MAPK10: variants seen among roughly 807,000 people sequenced by gnomAD.
The protein encoded by MAPK10 is JNK3 alpha protein kinase.
A neutral mutation model predicts 59.3 loss-of-function variants in MAPK10; 25 were observed. The ratio of observed to expected loss-of-function variants is 0.42; its 90% confidence interval spans 0.31 to 0.59. MAPK10 has a LOEUF of 0.59. MAPK10 is among the 20% of genes least tolerant of loss of function. The probability of loss-of-function intolerance (pLI) is 0.15; values close to 1 mark genes in which losing one functional copy is unlikely to be tolerated. For synonymous variants in MAPK10, 190 were observed against 200.5 expected (o/e 0.95, Z 0.44); for missense variants, 351 against 568.9 (o/e 0.62, Z 3.90).
chr4:86,061,272 T>C (rs1022156711), intron 11 of MAPK10, among the ~76,000 whole-genome samples: 1 of 152,170 alleles, frequency 6.6e-6, no homozygotes, highest in South Asian at 2.1e-4. Flanking sequence ...TTTGCCCTCT[T>C]GATGAATACT....
intron 2 of MAPK10, among the ~76,000 whole-genome samples, chr4:86,273,903 C>T (rs1180167848): frequency 1.3e-5 from 2 of 151,206 alleles, no homozygotes; most frequent in Non-Finnish European, 2.9e-5. Context: ...TAGAGAGCTA[C>T]TAGTTTCACT....
At chr4:86,110,150 A>C (rs758854621) in intron 4 of MAPK10, among the ~76,000 whole-genome samples, 1 of 152,178 alleles carries the variant, frequency 6.6e-6, no homozygotes, top group Non-Finnish European at 1.5e-5. Flanking sequence ...GATAGATTAC[A>C]AAAGTTTTCT....
intron 2 of MAPK10, among the ~76,000 whole-genome samples, chr4:86,298,969 G>C (rs1405563485): frequency 6.6e-6 from 1 of 152,158 alleles, no homozygotes; most frequent in East Asian, 1.9e-4. Context: ...GACATTAATA[G>C]TTGGTGCTAA....
chr4:86,201,999 G>A (rs970611857), intron 2 of MAPK10, among the ~76,000 whole-genome samples: 10 of 151,784 alleles, frequency 6.6e-5, no homozygotes, highest in Non-Finnish European at 8.8e-5. Flanking sequence ...ACACATTATA[G>A]ACCTCATAAA....
At chr4:86,296,175 C>CAAAA (rs34854999) in intron 2 of MAPK10, among the ~76,000 whole-genome samples, 16 of 116,272 alleles carry the variant, frequency 1.4e-4, no homozygotes, top group African/African-American at 3.2e-4. Flanking sequence ...GACTTGGTCT[C>CAAAA]AAAAAAAAAA....
intron 1 of MAPK10, among the ~76,000 whole-genome samples, chr4:86,566,517 C>A (rs1761068050): frequency 6.6e-6 from 1 of 151,422 alleles, no homozygotes; most frequent in African/African-American, 2.4e-5. Context: ...AATTCTAGAC[C>A]AGCCTGGCCA....
At chr4:86,374,386 C>T (rs1018719702) in intron 1 of MAPK10, among the ~76,000 whole-genome samples, 1 of 152,068 alleles carries the variant, frequency 6.6e-6, no homozygotes, top group African/African-American at 2.4e-5. Flanking sequence ...GCACATGTAT[C>T]CCAGAACTTA....
At chr4:86,020,313 G>A (rs771906142) in intron 13 of MAPK10, 3 of 152,098 alleles carry the variant, frequency 2.0e-5, no homozygotes, top group African/African-American at 7.2e-5. Flanking sequence ...ATCACATTTT[G>A]TTTATTTATT....
At chr4:86,275,265 T>C (rs2094539983) in intron 2 of MAPK10, among the ~76,000 whole-genome samples, 1 of 151,994 alleles carries the variant, frequency 6.6e-6, no homozygotes, top group South Asian at 2.1e-4. Context: ...GGAAATAAGA[T>C]TGTAGCTAAT....
At chr4:86,341,973 G>T (rs1360774283) in intron 2 of MAPK10, among the ~76,000 whole-genome samples, 8 of 152,092 alleles carry the variant, frequency 5.3e-5, no homozygotes, top group Non-Finnish European at 1.0e-4. Flanking sequence ...ACCTAACCAG[G>T]ATCTCATGTA....
chr4:86,083,171 C>A (rs1032947787), intron 9 of MAPK10, among the ~76,000 whole-genome samples: 3 of 152,038 alleles, frequency 2.0e-5, no homozygotes, highest in Non-Finnish European at 2.9e-5. Flanking sequence ...TAGAAGGCTC[C>A]ACCAATCATC....
chr4:86,084,303 G>C (rs1305949481), intron 9 of MAPK10, among the ~76,000 whole-genome samples: 2 of 152,198 alleles, frequency 1.3e-5, no homozygotes, highest in African/African-American at 4.8e-5. Flanking sequence ...ACTTGGAAAA[G>C]AAGAAGTCAA....
intron 9 of MAPK10, among the ~76,000 whole-genome samples, chr4:86,087,590 CAGAA>C (rs1325497848): frequency 2.7e-5 from 4 of 145,510 alleles, no homozygotes; most frequent in East Asian, 3.9e-4. Context: ...GCACTATAGA[CAGAA>C]AGACTTTTTA....
chr4:86,228,351 A>G (rs2091002687), intron 2 of MAPK10, among the ~76,000 whole-genome samples: 1 of 152,206 alleles, frequency 6.6e-6, no homozygotes, highest in Non-Finnish European at 1.5e-5. Flanking sequence ...CTCCAGGATC[A>G]AGGCCCGAGA....
intron 1 of MAPK10, among the ~76,000 whole-genome samples, chr4:86,551,525 A>G (rs927504742): frequency 6.6e-6 from 1 of 151,346 alleles, no homozygotes; most frequent in African/African-American, 2.4e-5. Flanking sequence ...TCTTCCTTCC[A>G]TCTTTCCTTC....
At chr4:86,560,800 A>G (rs1760619949) in intron 1 of MAPK10, among the ~76,000 whole-genome samples, 1 of 152,366 alleles carries the variant, frequency 6.6e-6, no homozygotes, top group South Asian at 2.1e-4. Context: ...GAGACTTAAA[A>G]TCATTTTCAT....
chr4:86,115,684 C>T (rs2058199116), intron 4 of MAPK10, among the ~76,000 whole-genome samples: 1 of 152,174 alleles, frequency 6.6e-6, no homozygotes, highest in African/African-American at 2.4e-5. Flanking sequence ...TGGTCTCAAA[C>T]TCCTGACCTC....
chr4:86,035,463 C>A (rs1578903551), intron 11 of MAPK10, among the ~76,000 whole-genome samples: 1 of 138,794 alleles, frequency 7.2e-6, no homozygotes, highest in African/African-American at 2.7e-5. Context: ...GAGAACGGAA[C>A]AGTGAAATTT....
At chr4:86,320,494 A>T (rs139522135) in intron 2 of MAPK10, among the ~76,000 whole-genome samples, 1 of 152,224 alleles carries the variant, frequency 6.6e-6, no homozygotes, top group Non-Finnish European at 1.5e-5. Context: ...TCAATGACTT[A>T]GAACTTTGGA....
Sources: gnomAD v4.1 joint callset for allele counts (sites outside exome capture counted in the v4.1 genomes callset) on GRCh38, gnomAD v4.1.1 for gene constraint, MANE v1.5 for transcripts, NCBI Gene and HGNC (gene_info 2026-07-23, HGNC 2026-07-21) for gene names.